NUDT3: variants seen among roughly 807,000 people sequenced by gnomAD.
NUDT3 encodes the protein diphosphoinositol polyphosphate phosphohydrolase 1.
A neutral mutation model predicts 23.6 loss-of-function variants in NUDT3; 9 were observed. The ratio of observed to expected loss-of-function variants is 0.38; its 90% CI spans 0.23 to 0.66. NUDT3 has a LOEUF of 0.66. Among genes scored for constraint, NUDT3 ranks in the 30% least tolerant of loss-of-function variants. The pLI, the probability that NUDT3 is intolerant of heterozygous loss-of-function variation, is 0.52. For synonymous variants in NUDT3, 86 were observed against 82.6 expected (o/e 1.04, Z -0.22); for missense variants, 172 against 218.5 (o/e 0.79, Z 1.34).
At chr6:34,314,007 G>C (rs1363170938) in intron 2 of NUDT3, among the ~76,000 whole-genome samples, 11 of 151,796 alleles carry the variant, frequency 7.2e-5, no homozygotes, top group Non-Finnish European at 1.6e-4. Context: ...TGAGGCAAGA[G>C]AATCACTTGA....
At chr6:34,354,572 A>T (rs1764530576) in intron 1 of NUDT3, among the ~76,000 whole-genome samples, 1 of 151,526 alleles carries the variant, frequency 6.6e-6, no homozygotes, top group Non-Finnish European at 1.5e-5. Context: ...AAAACACAAA[A>T]ATTAGCCAGG....
chr6:34,300,426 T>C (rs1222386979), intron 2 of NUDT3, among the ~76,000 whole-genome samples: 4 of 152,242 alleles, frequency 2.6e-5, no homozygotes, highest in African/African-American at 7.2e-5. Flanking sequence ...TGAGATGGTA[T>C]GCCTAAGCAA....
intron 1 of NUDT3, among the ~76,000 whole-genome samples, chr6:34,363,757 G>A (rs1017078923): frequency 6.6e-6 from 1 of 151,724 alleles, no homozygotes; most frequent in African/African-American, 2.4e-5. Context: ...TCAGTGCCCA[G>A]CAGTAATTTT....
At chr6:34,353,847 G>A (rs991213515) in intron 1 of NUDT3, among the ~76,000 whole-genome samples, 2 of 151,496 alleles carry the variant, frequency 1.3e-5, no homozygotes, top group South Asian at 2.1e-4. Flanking sequence ...GACTACAGGC[G>A]CCTGCTACCA....
At chr6:34,356,819 C>A (rs1205339430) in intron 1 of NUDT3, among the ~76,000 whole-genome samples, 1 of 151,954 alleles carries the variant, frequency 6.6e-6, no homozygotes, top group Non-Finnish European at 1.5e-5. Context: ...GCTCTGTTGC[C>A]CAGGCTGGAG....
At chr6:34,289,588 G>A (rs952109850) in intron 4 of NUDT3, among the ~76,000 whole-genome samples, 1 of 152,068 alleles carries the variant, frequency 6.6e-6, no homozygotes, top group African/African-American at 2.4e-5. Flanking sequence ...ATCAACACGA[G>A]CATCAGCTTC....
intron 1 of NUDT3, among the ~76,000 whole-genome samples, chr6:34,373,520 C>T (rs1352145414): frequency 1.2e-4 from 19 of 152,026 alleles, no homozygotes; most frequent in Non-Finnish European, 5.9e-5. Flanking sequence ...ACTCTGGTAA[C>T]TTATAACGTA....
intron 1 of NUDT3, among the ~76,000 whole-genome samples, chr6:34,390,230 G>A (rs182908143): frequency 6.8e-4 from 102 of 150,578 alleles, no homozygotes; most frequent in Admixed American, 6.1e-3. Context: ...GGAGGCAGAG[G>A]TTGCAGTGAG....
chr6:34,363,140 T>C (rs1449316784), intron 1 of NUDT3, among the ~76,000 whole-genome samples: 1 of 152,156 alleles, frequency 6.6e-6, no homozygotes, highest in Non-Finnish European at 1.5e-5. Context: ...CCCCTCTACT[T>C]TGCTGGGTAA....
At chr6:34,307,640 T>C (rs1012325528) in intron 2 of NUDT3, among the ~76,000 whole-genome samples, 4 of 151,794 alleles carry the variant, frequency 2.6e-5, no homozygotes, top group Admixed American at 2.6e-4. Flanking sequence ...AAGGAACCCA[T>C]TAAAATGAAG....
rs1348921526 is a variant in NUDT3, at chr6:34,286,410, G to A, written c.*2343C>T. 1 of 152,142 alleles carries A rather than the reference G, an allele frequency of 6.6e-6. No individual in the cohort carries two copies. Among genetic ancestry groups the A allele is most frequent in the Non-Finnish European group, 1.5e-5 (1 of 68,026 alleles). 9.4% of individuals were successfully genotyped at this position (152,142 alleles called of 1,614,324 possible). A position where few individuals can be genotyped will look rare whatever the true frequency, so the allele number is the denominator to read the frequency against. ...AGTCCCTTTTTAAAGAGTACTGACT[G>A]TTTTCCTGCAAAGTACTTTCAAATC... is the stretch of plus-strand genomic sequence containing the variant. On this transcript the variant is annotated 3_prime_UTR_variant, in exon 5 of 5. Coordinates refer to ENST00000607016, the MANE Select transcript of NUDT3 (RefSeq NM_006703.4).
In NUDT3 at chr6:34,279,965, A is replaced by G. The variant is rs1356278328; in HGVS notation, c.*8788T>C. 1 of 152,158 alleles carries G rather than the reference A, an allele frequency of 6.6e-6. No homozygotes were observed. The highest frequency in any genetic ancestry group is 1.5e-5 in the Non-Finnish European group (1 of 68,078). The allele number at this position is 152,158 out of a possible 1,614,324, so 9.4% of individuals were successfully genotyped here. On this transcript the variant is annotated 3_prime_UTR_variant, in exon 5 of 5. Transcript: ENST00000607016. ...ACATTAGTAAAGTAGGGAAAGGGTT[A>G]TATGTGTGGCTGGCCTGTTCTTTAG... is the stretch of plus-strand genomic sequence containing the variant.
At chr6:34,327,134 A>C (rs1361025391) in intron 2 of NUDT3, among the ~76,000 whole-genome samples, 1 of 152,092 alleles carries the variant, frequency 6.6e-6, no homozygotes, top group East Asian at 1.9e-4. Flanking sequence ...GATAAGGTCA[A>C]GCAAGTCACA....
chr6:34,363,292 A>C lies in NUDT3; in HGVS notation c.100-21320T>G, dbSNP rs188611780. On this transcript the variant is annotated intron_variant, in intron 1 of 4. Coordinates refer to ENST00000607016, the MANE Select transcript of NUDT3 (RefSeq NM_006703.4). ...TCCATATCTCAACTCATGAAGGATA[A>C]AAGATTACCTGGGTTCCTTTGCAAG... is the stretch of plus-strand genomic sequence containing the variant. Among the ~76,000 whole-genome samples, 8 of 152,282 alleles carry C rather than the reference A, an allele frequency of 5.3e-5. No homozygotes were observed. The East Asian group carries it at 1.5e-3, about 29-fold the overall frequency.
At chr6:34,294,706 AC>A in intron 3 of NUDT3, among the ~76,000 whole-genome samples, 1 of 151,776 alleles carries the variant, frequency 6.6e-6, no homozygotes, top group East Asian at 2.0e-4. Flanking sequence ...AGCCTGGGTG[AC>A]AGAGCAAGAC....
At chr6:34,391,780 CAT>C in intron 1 of NUDT3, among the ~76,000 whole-genome samples, 1 of 149,584 alleles carries the variant, frequency 6.7e-6, no homozygotes, top group South Asian at 2.1e-4. Context: ...GGCTCACAGA[CAT>C]ATAATCCCTC....
intron 2 of NUDT3, among the ~76,000 whole-genome samples, chr6:34,340,189 C>T (rs542198614): frequency 6.6e-6 from 1 of 152,240 alleles, no homozygotes; most frequent in East Asian, 1.9e-4. Flanking sequence ...AAACAAAAGC[C>T]AAGGATGGCA....
At chr6:34,302,590 A>T (rs894510131) in intron 2 of NUDT3, among the ~76,000 whole-genome samples, 2 of 151,952 alleles carry the variant, frequency 1.3e-5, no homozygotes, top group African/African-American at 4.8e-5. Context: ...AAATTAGCCG[A>T]GCATGGTGGC....
chr6:34,322,356 G>A (rs1249851718), intron 2 of NUDT3, among the ~76,000 whole-genome samples: 2 of 151,728 alleles, frequency 1.3e-5, no homozygotes, highest in Middle Eastern at 3.4e-3. Context: ...TCAGCCTCCC[G>A]AGTAGCTGGG....
Sources: allele counts gnomAD v4.1 joint callset (sites outside exome capture counted in the v4.1 genomes callset), GRCh38; gene constraint gnomAD v4.1.1; transcripts MANE v1.5; gene names NCBI Gene and HGNC (gene_info 2026-07-23, HGNC 2026-07-21).